Variants in TAF11L11 observed in about 807,000 individuals in gnomAD.
TAF11L11 encodes the protein TATA-box-binding protein-associated factor 11-like protein 11.
At chr5:17,605,239 G>T in exon 1 of TAF11L11, 1 of 395,446 alleles carries the variant, frequency 2.5e-6, no homozygotes. Context: ...TGGGAGAGGT[G>T]GTGGAAGAGG....
exon 1 of TAF11L11, chr5:17,605,055 A>G: frequency 2.5e-6 from 1 of 394,472 alleles, no homozygotes; most frequent in Non-Finnish European, 4.5e-6. Context: ...GAGGAGGCTC[A>G]GAGGATGACA....
At chr5:17,604,993 G>A (rs72742643) in exon 1 of TAF11L11, 13 of 393,342 alleles carry the variant, frequency 3.3e-5, no homozygotes, top group East Asian at 2.5e-4. Context: ...CAGCTAAAAG[G>A]CAGAAAACAG....
At chr5:17,605,009 A>C in exon 1 of TAF11L11, 1 of 393,966 alleles carries the variant, frequency 2.5e-6, no homozygotes. Context: ...AACAGATACC[A>C]AGGGGAAGAA....
exon 1 of TAF11L11, chr5:17,604,684 C>T: frequency 2.8e-6 from 1 of 361,366 alleles, no homozygotes; most frequent in Non-Finnish European, 4.9e-6. Flanking sequence ...AAGCTAAACT[C>T]TTTGAGAGGT....
chr5:17,605,374 C>A (rs1362957281), exon 1 of TAF11L11: 2 of 393,514 alleles, frequency 5.1e-6, no homozygotes, highest in Non-Finnish European at 9.0e-6. Flanking sequence ...AAATCATGTT[C>A]TAGGCCTAAG....
exon 1 of TAF11L11, chr5:17,604,852 C>G (rs1341161924): frequency 1.0e-5 from 4 of 389,914 alleles, no homozygotes; most frequent in East Asian, 3.6e-5. Context: ...AGTACAGCAA[C>G]AAGGATGGAA....
exon 1 of TAF11L11, chr5:17,605,263 C>T (rs969355222): frequency 2.0e-5 from 8 of 394,806 alleles, no homozygotes; most frequent in Non-Finnish European, 3.1e-5. Context: ...TGGACGTGTG[C>T]GAAATGTGGG....
chr5:17,604,487 G>C lies in TAF11L11; in HGVS notation c.-294G>C, dbSNP rs1739121658. The C allele has an allele frequency of 1.1e-5, 2 of 185,198 alleles. No homozygotes were observed. The highest frequency in any genetic ancestry group is 4.7e-5 in the African/African-American group (2 of 42,524). The allele number at this position is 185,198 out of a possible 1,614,324, so 11.5% of individuals were successfully genotyped here. ...AGCAGAACTTCTGACCTGTGAGTTG[G>C]TGTTTGTTTTAAATATCCAAAATTG... On this transcript the variant is annotated 5_prime_UTR_variant, in exon 1 of 1. Transcript: ENST00000510838.
At chr5:17,605,445 A>G (rs1367350567), downstream of TAF11L11, 4 of 390,496 alleles carry the variant, frequency 1.0e-5, no homozygotes, top group African/African-American at 6.2e-5. Context: ...CAATGACAGG[A>G]CTGCATTTGC....
exon 1 of TAF11L11, chr5:17,604,759 G>A (rs558563643): frequency 1.3e-5 from 5 of 381,718 alleles, no homozygotes; most frequent in East Asian, 3.6e-5. Flanking sequence ...CTGCTGTCAC[G>A]GAGCAGACTG....
At chr5:17,604,281 C>T (rs1340426624) in exon 1 of TAF11L11, 1 of 151,756 alleles carries the variant, frequency 6.6e-6, no homozygotes, top group Non-Finnish European at 1.5e-5. Flanking sequence ...AGAGCATCCT[C>T]ACGGCAGCAG....
downstream of TAF11L11, among the ~76,000 whole-genome samples, chr5:17,605,786 C>G (rs773164470): frequency 1.5e-4 from 23 of 151,360 alleles, no homozygotes; most frequent in Non-Finnish European, 2.8e-4. Flanking sequence ...TTGAAGCTTC[C>G]AGAAATGTTT....
exon 1 of TAF11L11, chr5:17,605,264 G>A (rs1429553164): frequency 2.0e-5 from 8 of 395,028 alleles, no homozygotes; most frequent in African/African-American, 4.1e-5. Context: ...GGACGTGTGC[G>A]AAATGTGGGG....
exon 1 of TAF11L11, chr5:17,604,510 T>A (rs1397804903): frequency 1.5e-5 from 3 of 201,900 alleles, no homozygotes; most frequent in Admixed American, 6.0e-5. Context: ...ATATCCAAAA[T>A]TGGTGAGAAT....
downstream of TAF11L11, among the ~76,000 whole-genome samples, chr5:17,605,591 G>T (rs1014025633): frequency 2.0e-5 from 3 of 151,304 alleles, no homozygotes; most frequent in Non-Finnish European, 4.4e-5. Context: ...CATTTTAATG[G>T]TGTGTTGAGG....
At chr5:17,604,938 A>T (rs1739135098) in exon 1 of TAF11L11, 1 of 392,216 alleles carries the variant, frequency 2.5e-6, no homozygotes, top group South Asian at 1.3e-4. Flanking sequence ...GATGTCATGG[A>T]CCTCACAGAA....
chr5:17,604,428 A>G lies in TAF11L11; in HGVS notation c.-353A>G, dbSNP rs180763186. On this transcript the variant is annotated 5_prime_UTR_variant, in exon 1 of 1. An upstream start codon of the reference 5' UTR is lost. Transcript: ENST00000510838. Reference sequence around the variant, plus strand: ...GCCAGACCCATCCTGGAGGTCCCTCATGTGACTCTGAGCAGGAGGCAGTCA... The same window carrying G: ...GCCAGACCCATCCTGGAGGTCCCTCGTGTGACTCTGAGCAGGAGGCAGTCA... 2.6e-3 allele frequency: 424 copies of G among 165,388 alleles called. 10 individuals are homozygous for G. Among genetic ancestry groups the G allele is most frequent in the African/African-American group, 9.5e-3 (400 of 41,902 alleles). The allele number at this position is 165,388 out of a possible 1,614,324, so 10.2% of individuals were successfully genotyped here. A position where few individuals can be genotyped will look rare whatever the true frequency, so the allele number is the denominator to read the frequency against.
At chr5:17,605,582 A>G (rs1199111394), downstream of TAF11L11, among the ~76,000 whole-genome samples, 1 of 151,352 alleles carries the variant, frequency 6.6e-6, no homozygotes, top group African/African-American at 2.4e-5. Context: ...ATATTTGGAC[A>G]TTTTAATGGT....
chr5:17,604,752 C>A lies in TAF11L11; in HGVS notation c.-29C>A, dbSNP rs1739130726. The A allele has an allele frequency of 5.3e-6, 2 of 380,552 alleles. No individual in the cohort carries two copies. 23.6% of individuals were successfully genotyped at this position (380,552 alleles called of 1,614,324 possible). A position where few individuals can be genotyped will look rare whatever the true frequency, so the allele number is the denominator to read the frequency against. On this transcript the variant is annotated 5_prime_UTR_variant, in exon 1 of 1. The change creates a new upstream start codon in the 5' untranslated region. Coordinates refer to ENST00000510838, the Ensembl canonical transcript of TAF11L11. ...GCCAGAACTTCTGCCTGTACAGCTG[C>A]TGTCACGGAGCAGACTGGAATCTCA...
Sources: allele counts gnomAD v4.1 joint callset (sites outside exome capture counted in the v4.1 genomes callset), GRCh38; gene constraint gnomAD v4.1.1; transcripts MANE v1.5; gene names NCBI Gene and HGNC (gene_info 2026-07-23, HGNC 2026-07-21).